The following PPP1R13B variants were observed in gnomAD, a reference collection of about 807,000 sequenced individuals.
PPP1R13B encodes the protein protein phosphatase 1 regulatory subunit 13B, also known as apoptosis-stimulating of p53 protein 1.
A neutral mutation model predicts 119.8 loss-of-function variants in PPP1R13B; 44 were observed. The ratio of observed to expected loss-of-function variants is 0.37; its 90% CI spans 0.29 to 0.47. PPP1R13B has a LOEUF of 0.47. PPP1R13B is among the 20% of genes least tolerant of loss of function. The probability of loss-of-function intolerance (pLI) is 0.99; values close to 1 mark genes in which losing one functional copy is unlikely to be tolerated. For missense variants in PPP1R13B, 1,227 were observed against 1,413.5 expected, an observed-to-expected ratio of 0.87 and a Z score of 2.12; for synonymous variants, 542 against 561.5, an observed-to-expected ratio of 0.97 and a Z score of 0.49.
At chr14:103,775,476 T>C (rs78644345) in intron 4 of PPP1R13B, among the ~76,000 whole-genome samples, 94 of 152,268 alleles carry the variant, frequency 6.2e-4, no homozygotes, top group African/African-American at 2.1e-3. Flanking sequence ...GGTTTCACCA[T>C]GTTGGCCAGA....
At chr14:103,790,939 G>A (rs76683113) in intron 2 of PPP1R13B, among the ~76,000 whole-genome samples, 3,412 of 152,208 alleles carry the variant, frequency 0.022, 116 homozygotes, top group African/African-American at 0.077. Context: ...AATCTTCAGT[G>A]CAACCAAAGA....
intron 1 of PPP1R13B, among the ~76,000 whole-genome samples, chr14:103,841,757 G>A (rs1211200221): frequency 1.3e-5 from 2 of 152,172 alleles, no homozygotes; most frequent in African/African-American, 4.8e-5. Context: ...CATAAAAGAT[G>A]CTTCGGAAAT....
intron 1 of PPP1R13B, among the ~76,000 whole-genome samples, chr14:103,821,669 T>C (rs1317805936): frequency 6.6e-6 from 1 of 152,074 alleles, no homozygotes; most frequent in Non-Finnish European, 1.5e-5. Context: ...GAGAATTGCT[T>C]GAACCCGGGA....
chr14:103,738,599 A>G lies in PPP1R13B; in HGVS notation c.2864+80T>C. The G allele has an allele frequency of 1.9e-6, 3 of 1,570,094 alleles. No homozygotes were observed. The highest frequency in any genetic ancestry group is 2.6e-6 in the Non-Finnish European group (3 of 1,149,116). ...TCTAATTCTCTCTTCCGTGCTTCCT[A>G]ATTGTCTAGAACACGCCTGTTTTCC... On this transcript the variant is annotated intron_variant, in intron 14 of 16. Coordinates refer to ENST00000202556, the MANE Select transcript of PPP1R13B (RefSeq NM_015316.3). This position sits in a 1 kb window ranked among gnomAD's most constrained non-coding sequence, Gnocchi z 5.6.
chr14:103,750,097 A>T (rs2084502026), intron 7 of PPP1R13B, among the ~76,000 whole-genome samples, 163 bp from the exon 8 acceptor site: 1 of 152,264 alleles, frequency 6.6e-6, no homozygotes, highest in African/African-American at 2.4e-5. Flanking sequence ...AGCAGAGATA[A>T]GCCAGGACAG....
chr14:103,834,212 T>C (rs1254544575), intron 1 of PPP1R13B, among the ~76,000 whole-genome samples: 7 of 152,104 alleles, frequency 4.6e-5, no homozygotes, highest in Non-Finnish European at 8.8e-5. Context: ...CCGTCTTTAC[T>C]AAAAATACAA....
intron 2 of PPP1R13B, among the ~76,000 whole-genome samples, chr14:103,787,848 C>T (rs2085509121): frequency 6.6e-6 from 1 of 152,006 alleles, no homozygotes; most frequent in African/African-American, 2.4e-5. Context: ...GATGGGATTT[C>T]ACTGTGTTAG....
At chr14:103,846,383 G>T (rs149463972) in intron 1 of PPP1R13B, among the ~76,000 whole-genome samples, 119 of 152,310 alleles carry the variant, frequency 7.8e-4, no homozygotes, top group African/African-American at 2.8e-3. Flanking sequence ...CAGGGAAACT[G>T]CACTTTCCTG....
In PPP1R13B at chr14:103,770,756, A is replaced by G. The variant is rs79054539; in HGVS notation, c.354+7989T>C. Reference sequence around the variant, plus strand: ...TATCACACTCCTGGTAACAACACCTAAAAGGCAAGATAAAACACAAAACAT... The same window carrying G: ...TATCACACTCCTGGTAACAACACCTGAAAGGCAAGATAAAACACAAAACAT... On this transcript the variant is annotated intron_variant, in intron 4 of 16. Transcript: ENST00000202556. Among the ~76,000 whole-genome samples, 650 of 152,298 alleles carry G rather than the reference A, an allele frequency of 4.3e-3. 7 individuals are homozygous for G. The highest frequency in any genetic ancestry group is 0.015 in the African/African-American group (612 of 41,558).
intron 1 of PPP1R13B, among the ~76,000 whole-genome samples, chr14:103,807,362 C>CCT (rs748929690): frequency 1.3e-5 from 2 of 152,188 alleles, no homozygotes; most frequent in Non-Finnish European, 2.9e-5. Flanking sequence ...ATTTGTTTAT[C>CCT]CTCTGTCTGT....
chr14:103,807,349 T>C (rs554530725), intron 1 of PPP1R13B, among the ~76,000 whole-genome samples: 3 of 152,314 alleles, frequency 2.0e-5, no homozygotes, highest in African/African-American at 4.8e-5. Context: ...GATCTATGTA[T>C]ATATTTGTTT....
intron 5 of PPP1R13B, among the ~76,000 whole-genome samples, chr14:103,757,419 T>A (rs1445906615): frequency 6.6e-6 from 1 of 152,316 alleles, no homozygotes; most frequent in East Asian, 1.9e-4. Flanking sequence ...GTCTATTGTA[T>A]GTGTCAAAAG....
chr14:103,848,210 G>C (rs1360897560), upstream of PPP1R13B: 1 of 978,720 alleles, frequency 1.0e-6, no homozygotes, highest in Non-Finnish European at 1.2e-6. Context: ...CCCGAGCCTT[G>C]GCCTTCGCCC....
In PPP1R13B at chr14:103,742,048, TCC is replaced by T; in HGVS notation, c.1562_1563del (p.Arg521AsnfsTer25). On this transcript the variant is annotated frameshift_variant, in exon 11 of 17. Transcript: ENST00000202556. LOFTEE classifies it high-confidence loss of function. The surrounding 1 kb of genome is among the most constrained non-coding windows in gnomAD (Gnocchi z 4.9). Reference protein sequence around the residue: ...QPGSSQQIQQRISVPPSPTYP... With the variant: ...QPGSSQQIQQXISVPPSPTYP... The stretch of plus-strand genomic sequence containing the variant: ...TACGTGGGACTTGGCGGTACGGAAA[TCC>T]TCTGCTGAATCTGTTGTGAGGAGCC... 1 of 1,614,198 alleles carries T rather than the reference TCC, an allele frequency of 6.2e-7. No individual in the cohort carries two copies. Among genetic ancestry groups the T allele is most frequent in the Non-Finnish European group, 8.5e-7 (1 of 1,180,018 alleles).
At position 103,734,658 on chromosome 14, in the gene PPP1R13B, A is replaced by C. The variant is rs1214732038; in HGVS notation, c.*496T>G. 2 of 456,524 alleles carry C rather than the reference A, an allele frequency of 4.4e-6. No individual in the cohort carries two copies. Among genetic ancestry groups the C allele is most frequent in the Non-Finnish European group, 8.8e-6 (2 of 226,954 alleles). The allele number at this position is 456,524 out of a possible 1,614,324, so 28.3% of individuals were successfully genotyped here. On this transcript the variant is annotated 3_prime_UTR_variant, in exon 17 of 17. Transcript: ENST00000202556. ...CAACACTGGACATGTTTCCATACAG[A>C]GGCTCCTTTGGTGATGAAGGGAAGA...
At chr14:103,796,102 G>C (rs1346695458) in intron 2 of PPP1R13B, among the ~76,000 whole-genome samples, 1 of 151,980 alleles carries the variant, frequency 6.6e-6, no homozygotes, top group Non-Finnish European at 1.5e-5. Context: ...GACCACCCTG[G>C]GCAACATGGC....
At chr14:103,818,372 G>T in intron 1 of PPP1R13B, 1 of 536,136 alleles carries the variant, frequency 1.9e-6, no homozygotes, top group Non-Finnish European at 2.4e-6. Context: ...TAAAACATTA[G>T]GCTGCATATG....
Position 103,740,589 on chromosome 14 carries a change from A to G in PPP1R13B, c.1827T>C (p.Tyr609=), listed in dbSNP as rs201874851. 4.3e-5 allele frequency: 65 copies of G among 1,520,800 alleles called. No individual in the cohort carries two copies. In the African/African-American group the frequency reaches 6.3e-4, roughly 15 times the overall value. The allele number at this position is 1,520,800 out of a possible 1,614,324, so 94.2% of individuals were successfully genotyped here. Residue 609 remains tyrosine, a synonymous_variant, in exon 12 of 17, where the codon TAT becomes TAC. Coordinates refer to ENST00000202556, the MANE Select transcript of PPP1R13B (RefSeq NM_015316.3). This position sits in a 1 kb window ranked among gnomAD's most constrained non-coding sequence, Gnocchi z 4.6. The part of the protein sequence containing the change: ...SALNKSVKAV[Y]GKPVLPSGST... ...AACCCGAAGGTAAAACGGGCTTACC[A>G]TACACTGGGGAAGACACAAAGGACA...
At chr14:103,774,652 C>T (rs2085143311) in intron 4 of PPP1R13B, among the ~76,000 whole-genome samples, 3 of 152,142 alleles carry the variant, frequency 2.0e-5, no homozygotes, top group South Asian at 4.1e-4. Context: ...ACCCACACTC[C>T]CCCCTTTCTT....
Sources: gnomAD v4.1 joint callset for allele counts (sites outside exome capture counted in the v4.1 genomes callset) on GRCh38, gnomAD v4.1.1 for gene constraint, Gnocchi (gnomAD v3.1) non-coding constraint, MANE v1.5 for transcripts, NCBI Gene and HGNC (gene_info 2026-07-23, HGNC 2026-07-21) for gene names.